SNX2: variants seen among roughly 807,000 people sequenced by gnomAD.
The protein encoded by SNX2 is sorting nexin 2.
In SNX2, 25 loss-of-function variants were observed where a neutral mutation model predicts 69.9. That is an observed-to-expected ratio of 0.36 (90% CI 0.26 to 0.50). The LOEUF is 0.50. Among genes scored for constraint, SNX2 ranks in the 20% least tolerant of loss-of-function variants. The pLI, the probability that SNX2 is intolerant of heterozygous loss-of-function variation, is 0.97. For missense variants in SNX2, 551 were observed against 613.3 expected (o/e 0.90, Z 1.07); for synonymous variants, 229 against 200.4 (o/e 1.14, Z -1.20).
chr5:122,825,337 A>G lies in SNX2; in HGVS notation c.1213-713A>G, dbSNP rs114800956. On this transcript the variant is annotated intron_variant, in intron 11 of 14. Transcript: ENST00000379516. The stretch of plus-strand genomic sequence containing the variant: ...TTTTCATGAGACTTCTAATTACACT[A>G]ATTTGTCCATATTTCATTTCTTTTC... 8.3e-3 allele frequency among the ~76,000 whole-genome samples: 1,262 copies of G among 151,996 alleles called. 18 individuals carry two copies. The highest frequency in any genetic ancestry group is 0.029 in the African/African-American group (1,196 of 41,502).
intron 1 of SNX2, among the ~76,000 whole-genome samples, chr5:122,781,823 T>A (rs1561439431): frequency 6.6e-6 from 1 of 152,052 alleles, no homozygotes; most frequent in Non-Finnish European, 1.5e-5. Context: ...AATATATACC[T>A]ATGTAAAGAT....
At chr5:122,794,484 G>T (rs1408039595) in intron 1 of SNX2, among the ~76,000 whole-genome samples, 1 of 152,094 alleles carries the variant, frequency 6.6e-6, no homozygotes, top group African/African-American at 2.4e-5. Flanking sequence ...GAACTTCTTG[G>T]ACATGCAACA....
chr5:122,785,300 GTTTTTA>G (rs891288036), intron 1 of SNX2, among the ~76,000 whole-genome samples: 1 of 150,622 alleles, frequency 6.6e-6, no homozygotes, highest in Non-Finnish European at 1.5e-5. Context: ...GTTAATTTTA[GTTTTTA>G]TTTTTATTTT....
intron 6 of SNX2, among the ~76,000 whole-genome samples, chr5:122,806,267 T>A (rs996476869): frequency 6.6e-6 from 1 of 152,006 alleles, no homozygotes; most frequent in Non-Finnish European, 1.5e-5. Context: ...AATAGTAATA[T>A]GAAGCCAAGC....
chr5:122,831,260 A>T lies in SNX2; in HGVS notation c.*1612A>T, dbSNP rs2150020322. Among the ~76,000 whole-genome samples the T allele has an allele frequency of 6.6e-6, 1 of 152,224 alleles. No individual in the cohort carries two copies. The highest frequency in any genetic ancestry group is 2.1e-4 in the South Asian group (1 of 4,822). On this transcript the variant is annotated 3_prime_UTR_variant, in exon 15 of 15. Transcript: ENST00000379516. Reference sequence around the variant, plus strand: ...TAAGCCTTCTATAGGTGTTATTCATATTTATACTCCCACAGCCCAGAAGAG... The same window carrying T: ...TAAGCCTTCTATAGGTGTTATTCATTTTTATACTCCCACAGCCCAGAAGAG...
At chr5:122,801,679 G>A (rs1753517051) in intron 3 of SNX2, among the ~76,000 whole-genome samples, 190 bp from the exon 4 acceptor site, 1 of 150,940 alleles carries the variant, frequency 6.6e-6, no homozygotes, top group Non-Finnish European at 1.5e-5. Context: ...GTGTGTGTGT[G>A]TGTGTGTGTG....
chr5:122,816,441 G>A (rs975450657), intron 8 of SNX2, among the ~76,000 whole-genome samples: 3 of 152,164 alleles, frequency 2.0e-5, no homozygotes, highest in Non-Finnish European at 4.4e-5. Flanking sequence ...TGGCTCCTAA[G>A]AGCAATTTGA....
At chr5:122,786,932 C>T (rs956482545) in intron 1 of SNX2, among the ~76,000 whole-genome samples, 6 of 152,166 alleles carry the variant, frequency 3.9e-5, no homozygotes, top group Non-Finnish European at 8.8e-5. Context: ...ATTTTTTATC[C>T]TGCATACTAC....
chr5:122,806,142 G>GCTCACGCGCACACACACACACACACA, intron 6 of SNX2, among the ~76,000 whole-genome samples: 25 of 130,584 alleles, frequency 1.9e-4, no homozygotes. Context: ...ACACGCGCGC[G>GCTCACGCGCACACACACACACACACA]CACACACACA....
chr5:122,800,102 C>G (rs886066149), intron 3 of SNX2, among the ~76,000 whole-genome samples: 1 of 152,020 alleles, frequency 6.6e-6, no homozygotes, highest in Non-Finnish European at 1.5e-5. Flanking sequence ...TGTGCATTTC[C>G]TAGGGTTTCT....
chr5:122,794,109 G>A (rs1421333695), intron 1 of SNX2, among the ~76,000 whole-genome samples: 1 of 151,750 alleles, frequency 6.6e-6, no homozygotes, highest in African/African-American at 2.4e-5. Flanking sequence ...TCAGGAGTTC[G>A]AGACCAGCCT....
intron 3 of SNX2, among the ~76,000 whole-genome samples, chr5:122,801,434 G>A (rs1300136662): frequency 5.3e-5 from 8 of 151,786 alleles, no homozygotes; most frequent in African/African-American, 1.2e-4. Flanking sequence ...GTGAAACCCC[G>A]TCTCTAGTAA....
chr5:122,803,342 C>T, intron 5 of SNX2, 130 bp from the exon 6 acceptor site: 2 of 771,334 alleles, frequency 2.6e-6, no homozygotes, highest in South Asian at 2.8e-5. Context: ...ACCTATATAC[C>T]ACATTAGTTA....
At chr5:122,827,275 C>A in intron 12 of SNX2, 104 bp from the exon 13 acceptor site, 1 of 915,944 alleles carries the variant, frequency 1.1e-6, no homozygotes, top group Non-Finnish European at 1.7e-6. Context: ...CAATATTGAG[C>A]TTTCTCAGGA....
intron 1 of SNX2, among the ~76,000 whole-genome samples, chr5:122,779,312 G>A (rs557087787): frequency 1.3e-5 from 2 of 152,096 alleles, no homozygotes; most frequent in South Asian, 2.1e-4. Flanking sequence ...ATCATCCCAC[G>A]CCTTAATTCC....
At chr5:122,786,057 A>G (rs1753080468) in intron 1 of SNX2, among the ~76,000 whole-genome samples, 2 of 152,156 alleles carry the variant, frequency 1.3e-5, no homozygotes, top group African/African-American at 4.8e-5. Flanking sequence ...ATTTTGTTAC[A>G]TAGATGCTTA....
intron 1 of SNX2, 153 bp downstream of exon 1, chr5:122,775,364 A>G (rs1214487351): frequency 2.2e-6 from 3 of 1,377,398 alleles, no homozygotes; most frequent in Non-Finnish European, 9.5e-7. Flanking sequence ...TGCCTGTCAG[A>G]GGGATGTGCT....
chr5:122,809,801 T>C (rs1753729239), intron 7 of SNX2, among the ~76,000 whole-genome samples: 2 of 152,180 alleles, frequency 1.3e-5, no homozygotes, highest in African/African-American at 4.8e-5. Context: ...ATTTGAACAA[T>C]TTAAGAAAAG....
chr5:122,815,734 A>T, intron 7 of SNX2, 162 bp from the exon 8 acceptor site: 1 of 414,682 alleles, frequency 2.4e-6, no homozygotes. Context: ...AACCTTTTTA[A>T]TTATTAAATT....
Sources: allele counts gnomAD v4.1 joint callset (sites outside exome capture counted in the v4.1 genomes callset), GRCh38; gene constraint gnomAD v4.1.1; transcripts MANE v1.5; gene names NCBI Gene and HGNC (gene_info 2026-07-23, HGNC 2026-07-21).